The following FOXP1 variants were observed in gnomAD, a reference collection of about 807,000 sequenced individuals.
FOXP1 encodes the protein forkhead box protein P1.
In FOXP1, 15 loss-of-function variants were observed where a neutral mutation model predicts 98.2. The ratio of observed to expected loss-of-function variants is 0.15; its 90% CI spans 0.10 to 0.24. The LOEUF (loss-of-function observed/expected upper bound fraction) is 0.24, where lower values mean the gene tolerates loss of function less well. FOXP1 is among the 10% of genes least tolerant of loss of function. The pLI is 1.00. For synonymous variants in FOXP1, 371 were observed against 314.5 expected (o/e 1.18, Z -1.90); for missense variants, 633 against 848.5 (o/e 0.75, Z 3.15).
chr3:70,977,112 G>A lies in FOXP1; in HGVS notation c.1429-70C>T, dbSNP rs141214190. 1.6e-3 allele frequency: 1,691 copies of A among 1,038,838 alleles called. 6 individuals carry two copies. The highest frequency in any genetic ancestry group is 0.011 in the African/African-American group (729 of 63,892). 64.4% of individuals were successfully genotyped at this position (1,038,838 alleles called of 1,614,324 possible). A position where few individuals can be genotyped will look rare whatever the true frequency, so the allele number is the denominator to read the frequency against. On this transcript the variant is annotated intron_variant, in intron 16 of 20. Coordinates refer to ENST00000649528, the MANE Select transcript of FOXP1 (RefSeq NM_001349338.3). ...CAGAGTCGTCATTCCACAGTTTCTC[G>A]AAAATATAAAATCACTGTGATTCAG...
chr3:71,369,818 C>A (rs1219471091), intron 3 of FOXP1, among the ~76,000 whole-genome samples: 2 of 152,180 alleles, frequency 1.3e-5, no homozygotes, highest in Admixed American at 1.3e-4. Context: ...CAGCTACTTT[C>A]TCAGTACCAC....
At position 71,328,985 on chromosome 3, in the gene FOXP1, AAAAAC is replaced by A. The variant is rs1273885557; in HGVS notation, c.-72-29110_-72-29106del. ...AAACTCCATCTCGCTAAAAAAAAAA[AAAAAC>A]AAAAAAAAAAAAACTGACAGTTTCA... is the stretch of plus-strand genomic sequence containing the variant. On this transcript the variant is annotated intron_variant, in intron 4 of 20. Transcript: ENST00000649528. Among the ~76,000 whole-genome samples, 108 of 136,100 alleles carry A rather than the reference AAAAAC, an allele frequency of 7.9e-4. 14 individuals carry two copies. Among genetic ancestry groups the A allele is most frequent in the Middle Eastern group, 3.6e-3 (1 of 276 alleles). The allele number at this position is 136,100 out of a possible 152,430, so 89.3% of individuals were successfully genotyped here.
chr3:71,031,606 G>C (rs1170766658), intron 11 of FOXP1, among the ~76,000 whole-genome samples: 1 of 152,146 alleles, frequency 6.6e-6, no homozygotes, highest in East Asian at 1.9e-4. Flanking sequence ...TCAGATTTCT[G>C]AGGCGGATAA....
intron 2 of FOXP1, among the ~76,000 whole-genome samples, chr3:71,529,223 C>G (rs990111012): frequency 6.6e-6 from 1 of 152,186 alleles, no homozygotes; most frequent in Non-Finnish European, 1.5e-5. Flanking sequence ...GTTAGTATGT[C>G]TCAATACTTC....
intron 4 of FOXP1, among the ~76,000 whole-genome samples, chr3:71,339,509 C>T (rs1368792642): frequency 6.6e-6 from 1 of 152,228 alleles, no homozygotes; most frequent in East Asian, 1.9e-4. Context: ...ATCAGTGTCT[C>T]ACTCTTTCTT....
chr3:71,570,875 G>A (rs770184793), intron 2 of FOXP1: 6 of 152,216 alleles, frequency 3.9e-5, no homozygotes, highest in Admixed American at 6.5e-5. Context: ...CAACGTGGAC[G>A]GACAGGGCTG....
chr3:71,177,910 T>C (rs2062042117), intron 6 of FOXP1, among the ~76,000 whole-genome samples: 3 of 149,476 alleles, frequency 2.0e-5, no homozygotes, highest in South Asian at 2.1e-4. Context: ...GGTGCGATCA[T>C]GGTTCACTGC....
intron 4 of FOXP1, among the ~76,000 whole-genome samples, chr3:71,327,364 G>T: frequency 3.5e-4 from 1 of 2,846 alleles, no homozygotes; most frequent in Non-Finnish European, 0.056. Flanking sequence ...TTATAGGTGT[G>T]CATCACCACC....
intron 3 of FOXP1, among the ~76,000 whole-genome samples, chr3:71,445,688 C>T (rs1191923616): frequency 2.2e-5 from 3 of 134,476 alleles, no homozygotes; most frequent in Non-Finnish European, 4.8e-5. Context: ...GATATTTATA[C>T]CTTTTTTTTT....
intron 4 of FOXP1, among the ~76,000 whole-genome samples, chr3:71,309,471 C>T (rs192985948): frequency 2.0e-5 from 3 of 150,898 alleles, no homozygotes; most frequent in Non-Finnish European, 4.4e-5. Context: ...CACACAGGCA[C>T]GAAGAAAATA....
intron 3 of FOXP1, among the ~76,000 whole-genome samples, chr3:71,395,564 T>C (rs1577286597): frequency 6.6e-6 from 1 of 151,862 alleles, no homozygotes. Flanking sequence ...CACTCCTTAT[T>C]TCATCATTCT....
intron 14 of FOXP1, among the ~76,000 whole-genome samples, chr3:70,986,472 G>A (rs1404070644): frequency 6.6e-6 from 1 of 152,196 alleles, no homozygotes; most frequent in Non-Finnish European, 1.5e-5. Context: ...GCAAAGATTT[G>A]AACCCTTCAA....
chr3:71,189,250 C>T (rs191967349), intron 6 of FOXP1, among the ~76,000 whole-genome samples: 3 of 152,180 alleles, frequency 2.0e-5, no homozygotes, highest in Admixed American at 1.3e-4. Context: ...CAATATGGAA[C>T]AAAGACTTTA....
chr3:71,001,020 T>C lies in FOXP1; in HGVS notation c.1014A>G (p.Thr338=). Residue 338 remains threonine (T), a synonymous_variant, in exon 13 of 21, where the codon ACA becomes ACG. Transcript: ENST00000649528. ...CCTGCATTTGTACTCTACATTGGGCTGTACTTCTATCGTCCAGCGCATGCT... is the reference window on the plus strand; with the variant it reads ...CCTGCATTTGTACTCTACATTGGGCCGTACTTCTATCGTCCAGCGCATGCT... ...NSEHALDDRS[T]AQCRVQMQVV... The C allele has an allele frequency of 6.2e-7, 1 of 1,613,672 alleles. No individual in the cohort carries two copies. The highest frequency in any genetic ancestry group is 8.5e-7 in the Non-Finnish European group (1 of 1,179,630).
At chr3:71,532,694 T>C (rs2043956108) in intron 2 of FOXP1, among the ~76,000 whole-genome samples, 1 of 152,186 alleles carries the variant, frequency 6.6e-6, no homozygotes, top group African/African-American at 2.4e-5. Flanking sequence ...CCCTCTTTTT[T>C]TTCTTTTTTT....
rs1200879255 is a variant in FOXP1 at position 70,956,280 on chromosome 3, A to G, written c.*2967T>C. On this transcript the variant is annotated 3_prime_UTR_variant, in exon 21 of 21. Coordinates refer to ENST00000649528, the MANE Select transcript of FOXP1 (RefSeq NM_001349338.3). ...CCATCCTAAAGAAGCAACTGGGATAACCCCCAGGGGATACAGAATCAGAAT... is the reference window on the plus strand; with the variant it reads ...CCATCCTAAAGAAGCAACTGGGATAGCCCCCAGGGGATACAGAATCAGAAT... 1 of 233,404 alleles carries G rather than the reference A, an allele frequency of 4.3e-6. No homozygotes were observed. The highest frequency in any genetic ancestry group is 5.6e-5 in the Admixed American group (1 of 17,766). The allele number at this position is 233,404 out of a possible 1,614,324, so 14.5% of individuals were successfully genotyped here.
intron 3 of FOXP1, among the ~76,000 whole-genome samples, chr3:71,397,604 T>C (rs934801397): frequency 2.0e-5 from 3 of 152,206 alleles, no homozygotes; most frequent in African/African-American, 4.8e-5. Flanking sequence ...ATAATTACAA[T>C]GTATGGTCAA....
intron 3 of FOXP1, among the ~76,000 whole-genome samples, chr3:71,386,741 C>CA (rs5850010): frequency 0.63 from 56,936 of 90,920 alleles, 18,531 homozygotes; most frequent in East Asian, 0.87. Context: ...GATTCCGTCT[C>CA]AAAAAAAAAA....
intron 20 of FOXP1, among the ~76,000 whole-genome samples, chr3:70,965,527 A>G (rs1164869034): frequency 6.6e-6 from 1 of 152,178 alleles, no homozygotes; most frequent in East Asian, 1.9e-4. Context: ...TCTCTCGGCT[A>G]GGTTCAACAT....
Sources: gnomAD v4.1 joint callset for allele counts (sites outside exome capture counted in the v4.1 genomes callset) on GRCh38, gnomAD v4.1.1 for gene constraint, MANE v1.5 for transcripts, NCBI Gene and HGNC (gene_info 2026-07-23, HGNC 2026-07-21) for gene names.